Variants in CHRNA7 observed in about 807,000 individuals in gnomAD.
The protein encoded by CHRNA7 is neuronal acetylcholine receptor subunit alpha-7.
In CHRNA7, 17 loss-of-function variants were observed where a neutral mutation model predicts 48.0. That is an observed-to-expected ratio of 0.35 (90% CI 0.24 to 0.53). The LOEUF is 0.53. CHRNA7 is among the 20% of genes least tolerant of loss of function. The pLI is 0.92. For synonymous variants in CHRNA7, 75 were observed against 242.3 expected, an observed-to-expected ratio of 0.31 and a Z score of 6.41; for missense variants, 155 against 577.7, an observed-to-expected ratio of 0.27 and a Z score of 7.50.
chr15:32,030,843 G>A, intron 1 of CHRNA7, 55 bp from the exon 2 acceptor site: 4 of 1,586,624 alleles, frequency 2.5e-6, no homozygotes, highest in Non-Finnish European at 3.4e-6. Context: ...GAGGGAGTCG[G>A]GGGTACCCCC....
At chr15:32,057,475 AT>A (rs1183931835) in intron 2 of CHRNA7, among the ~76,000 whole-genome samples, 1 of 152,208 alleles carries the variant, frequency 6.6e-6, no homozygotes, top group Non-Finnish European at 1.5e-5. Flanking sequence ...GGTAATGAAC[AT>A]TTTGGTGTGT....
At chr15:32,121,643 C>G (rs1032076376) in intron 4 of CHRNA7, among the ~76,000 whole-genome samples, 1 of 152,202 alleles carries the variant, frequency 6.6e-6, no homozygotes, top group Non-Finnish European at 1.5e-5. Context: ...GGCAACTGTT[C>G]ACGGCAGGGT....
chr15:32,110,357 C>A (rs1476537245), intron 3 of CHRNA7, among the ~76,000 whole-genome samples: 1 of 152,196 alleles, frequency 6.6e-6, no homozygotes, highest in Non-Finnish European at 1.5e-5. Context: ...GTCCCCTCCC[C>A]AACCACTTCC....
At chr15:32,098,069 A>G (rs942799792) in intron 2 of CHRNA7, among the ~76,000 whole-genome samples, 4 of 152,198 alleles carry the variant, frequency 2.6e-5, no homozygotes, top group Non-Finnish European at 5.9e-5. Context: ...CTATAATTCC[A>G]TCTGGGGACT....
intron 2 of CHRNA7, among the ~76,000 whole-genome samples, chr15:32,045,736 T>C (rs2049530392): frequency 6.6e-6 from 1 of 151,654 alleles, no homozygotes; most frequent in Non-Finnish European, 1.5e-5. Context: ...GTTACATATG[T>C]ATACATGTGC....
chr15:32,093,817 G>A (rs2050422196), intron 2 of CHRNA7, among the ~76,000 whole-genome samples: 1 of 152,072 alleles, frequency 6.6e-6, no homozygotes, highest in Non-Finnish European at 1.5e-5. Flanking sequence ...ATTACACTGT[G>A]GTCTGATTTT....
At chr15:32,150,428 G>A (rs543238228) in intron 4 of CHRNA7, among the ~76,000 whole-genome samples, 38 of 152,240 alleles carry the variant, frequency 2.5e-4, no homozygotes, top group Admixed American at 3.9e-4. Context: ...CGTCTGGTGC[G>A]GGTTAGATGC....
intron 4 of CHRNA7, among the ~76,000 whole-genome samples, chr15:32,148,391 C>A (rs984189438): frequency 3.3e-5 from 5 of 152,160 alleles, no homozygotes; most frequent in Admixed American, 3.3e-4. Context: ...CAATCACTCT[C>A]TTCTTTTCTG....
chr15:32,126,022 A>T (rs1490738744), intron 4 of CHRNA7, among the ~76,000 whole-genome samples: 1 of 149,488 alleles, frequency 6.7e-6, no homozygotes, highest in Non-Finnish European at 1.5e-5. Flanking sequence ...AAAAAAAAAA[A>T]TGATCCAGAA....
At chr15:32,120,205 C>G (rs999693614) in intron 4 of CHRNA7, among the ~76,000 whole-genome samples, 4 of 152,158 alleles carry the variant, frequency 2.6e-5, no homozygotes, top group African/African-American at 9.7e-5. Context: ...CTGCCTGACT[C>G]CATAGTCTGA....
intron 4 of CHRNA7, among the ~76,000 whole-genome samples, chr15:32,148,197 T>A (rs571349043): frequency 1.3e-5 from 2 of 152,328 alleles, no homozygotes; most frequent in Non-Finnish European, 2.9e-5. Flanking sequence ...CCTGGATTTC[T>A]TCTTCTTATT....
chr15:32,088,489 T>G (rs2050333789), intron 2 of CHRNA7, among the ~76,000 whole-genome samples: 1 of 152,204 alleles, frequency 6.6e-6, no homozygotes, highest in South Asian at 2.1e-4. Flanking sequence ...CTAGGTTTAG[T>G]TTTGTAAGAA....
chr15:32,119,143 A>G (rs2050923335), intron 4 of CHRNA7, among the ~76,000 whole-genome samples: 1 of 152,206 alleles, frequency 6.6e-6, no homozygotes. Context: ...TCTAACTTCT[A>G]GAAAACTGAT....
chr15:32,116,673 A>G (rs2050877026), intron 4 of CHRNA7, among the ~76,000 whole-genome samples: 1 of 151,632 alleles, frequency 6.6e-6, no homozygotes, highest in African/African-American at 2.4e-5. Flanking sequence ...GAATCCCGCA[A>G]CTCTGCGGAT....
chr15:32,151,697 T>G (rs551017969), intron 4 of CHRNA7, among the ~76,000 whole-genome samples: 8 of 152,362 alleles, frequency 5.3e-5, no homozygotes, highest in African/African-American at 1.9e-4. Flanking sequence ...AATTTCCATT[T>G]TTCTCTCTTT....
intron 2 of CHRNA7, among the ~76,000 whole-genome samples, chr15:32,081,130 G>A (rs1427808177): frequency 6.6e-6 from 1 of 152,084 alleles, no homozygotes; most frequent in African/African-American, 2.4e-5. Flanking sequence ...CACACACCAG[G>A]GCCTGTCGGG....
chr15:32,143,746 T>C (rs969698236), intron 4 of CHRNA7, among the ~76,000 whole-genome samples: 1 of 151,224 alleles, frequency 6.6e-6, no homozygotes, highest in African/African-American at 2.4e-5. Context: ...CAACCCCTGC[T>C]TTTTTTTTGC....
At chr15:32,064,950 TA>T (rs1446730909) in intron 2 of CHRNA7, among the ~76,000 whole-genome samples, 4 of 152,204 alleles carry the variant, frequency 2.6e-5, no homozygotes, top group Non-Finnish European at 5.9e-5. Flanking sequence ...GAAGAACTTT[TA>T]AAATATGAGT....
rs553551581 is a variant in CHRNA7, at chr15:32,141,895, A to G, written c.351-12012A>G. On this transcript the variant is annotated intron_variant, in intron 4 of 9. Transcript: ENST00000306901. ...GGACAATTTGACTTCCTCTTTTCCT[A>G]TTTGAATACCCTTTATTTCTTTCTC... is the stretch of plus-strand genomic sequence containing the variant. 1.1e-4 allele frequency among the ~76,000 whole-genome samples: 17 copies of G among 152,244 alleles called. No homozygotes were observed. In the South Asian group the frequency reaches 2.9e-3, roughly 26 times the overall value.
Sources: allele counts gnomAD v4.1 joint callset (sites outside exome capture counted in the v4.1 genomes callset), GRCh38; gene constraint gnomAD v4.1.1; transcripts MANE v1.5; gene names NCBI Gene and HGNC (gene_info 2026-07-23, HGNC 2026-07-21).